The following FRS3 variants were observed in gnomAD, a reference collection of about 807,000 sequenced individuals.
FRS3 encodes FGFR substrate 3.
FRS3 carries 17 observed loss-of-function variants against 41.9 expected under a neutral mutation model. The ratio of observed to expected loss-of-function variants is 0.41; its 90% CI spans 0.28 to 0.61. The LOEUF (loss-of-function observed/expected upper bound fraction) is 0.61. FRS3 is among the 20% of genes least tolerant of loss of function. The pLI is 0.36. For synonymous variants in FRS3, 287 were observed against 274.5 expected, an observed-to-expected ratio of 1.05 and a Z score of -0.45; for missense variants, 619 against 672.1, an observed-to-expected ratio of 0.92 and a Z score of 0.87.
At chr6:41,776,556 C>A in intron 3 of FRS3, 1 of 179,128 alleles carries the variant, frequency 5.6e-6, no homozygotes, top group East Asian at 1.5e-4. Flanking sequence ...GCCACCGTGC[C>A]TGGCCACTAA....
chr6:41,771,729 A>G lies in FRS3; in HGVS notation c.564+87T>C. On this transcript the variant is annotated intron_variant, in intron 6 of 6. Coordinates refer to ENST00000373018, the MANE Select transcript of FRS3 (RefSeq NM_006653.5). ...TTACAATGTTCTTCCCCTTCCCGTG[A>G]TCCTTACTGGGAGGAGGTGGCCTTA... 2.1e-6 allele frequency: 3 copies of G among 1,405,866 alleles called. No individual in the cohort carries two copies. The Middle Eastern group carries it at 6.8e-4, about 319-fold the overall frequency. 87.1% of individuals were successfully genotyped at this position (1,405,866 alleles called of 1,614,324 possible). A position where few individuals can be genotyped will look rare whatever the true frequency, so the allele number is the denominator to read the frequency against.
At chr6:41,776,801 A>C in intron 3 of FRS3, 121 bp downstream of exon 3, 1 of 845,278 alleles carries the variant, frequency 1.2e-6, no homozygotes, top group Non-Finnish European at 2.0e-6. Flanking sequence ...AGTCTCCATA[A>C]GCCCACAACC....
intron 3 of FRS3, among the ~76,000 whole-genome samples, chr6:41,775,873 C>T (rs1314154003): frequency 1.3e-5 from 2 of 152,130 alleles, no homozygotes; most frequent in Non-Finnish European, 2.9e-5. Context: ...CTTCCAAGGT[C>T]GGTTTGTTAG....
chr6:41,771,523 T>A lies in FRS3; in HGVS notation c.575A>T (p.Tyr192Phe). The A allele has an allele frequency of 6.5e-7, 1 of 1,538,738 alleles. No individual in the cohort carries two copies. Among genetic ancestry groups the A allele is most frequent in the Non-Finnish European group, 8.7e-7 (1 of 1,145,926 alleles). ...ATCTTCACTGGCCGGTGTGTTGACA[T>A]AGGTGTGGGACTGGGGAAAGAGTCC... ...LIAPDEQSHT[Y>F]VNTPASEDDH... Residue 192 changes from tyrosine to phenylalanine, a missense_variant, in exon 7 of 7, where the codon TAT (tyrosine) becomes TTT (phenylalanine). Physicochemically the swap from Tyr to Phe is conservative, Grantham distance 22. This residue lies in a region of FRS3 where 487 missense variants were observed against 478.3 expected (regional missense o/e 1.02). Transcript: ENST00000373018.
Position 41,770,724 on chromosome 6 carries a change from A to T in FRS3, c.1374T>A (p.Ile458=), listed in dbSNP as rs766403918. 6.2e-7 allele frequency: 1 copy of T among 1,613,960 alleles called. No homozygotes were observed. The highest frequency in any genetic ancestry group is 8.5e-7 in the Non-Finnish European group (1 of 1,180,006). The change falls in exon 7 of 7, where the codon ATT becomes ATA. Residue 458 remains isoleucine, a synonymous_variant. Coordinates refer to ENST00000373018, the MANE Select transcript of FRS3 (RefSeq NM_006653.5). ...PARSSDSYAV[I]DLKKTVAMSN... ...ACATGGCCACGGTCTTTTTGAGGTC[A>T]ATCACGGCGTAGGAGTCTGAGCTTC...
At position 41,771,295 on chromosome 6, in the gene FRS3, T is replaced by C; in HGVS notation, c.803A>G (p.His268Arg). The C allele has an allele frequency of 1.2e-6, 2 of 1,613,094 alleles. No homozygotes were observed. The highest frequency in any genetic ancestry group is 1.3e-5 in the African/African-American group (1 of 74,936). ...GLCPSLHDPP[H>R]HNNNNEAPSE... is the part of the protein sequence containing the mutation. Reference sequence around the variant, plus strand: ...AGGGGCCTCATTGTTATTATTGTGGTGTGGGGGGTCATGCAGGCTGGGACA... The same window carrying C: ...AGGGGCCTCATTGTTATTATTGTGGCGTGGGGGGTCATGCAGGCTGGGACA... The change falls in exon 7 of 7, where the codon CAC (histidine) becomes CGC (arginine). Residue 268 changes from histidine (H) to arginine (R), a missense_variant. By Grantham distance (29) the His-to-Arg change is conservative. Around this residue, in one of 3 missense-constraint regions of FRS3, gnomAD observed 487 missense variants for 478.3 expected, o/e 1.02. Coordinates refer to ENST00000373018, the MANE Select transcript of FRS3 (RefSeq NM_006653.5).
rs776868521 is a variant in FRS3, at chr6:41,770,780, G to A, written c.1318C>T (p.Gln440Ter). Reference protein sequence around the residue: ...PKGPQNPSSPQAPMPTTHPAR... With the variant: ...PKGPQNPSSP ...GGGTGGGTGGTGGGCATGGGGGCTT[G>A]GGGGCTCGAGGGGTTCTGGGGCCCC... The change falls in exon 7 of 7, where the codon CAA (glutamine) becomes TAA (stop). Residue 440 changes from glutamine to a stop codon, truncating the protein, a stop_gained. Coordinates refer to ENST00000373018, the MANE Select transcript of FRS3 (RefSeq NM_006653.5). LOFTEE classifies it high-confidence loss of function. 1 of 1,612,292 alleles carries A rather than the reference G, an allele frequency of 6.2e-7. No homozygotes were observed. Among genetic ancestry groups the A allele is most frequent in the Non-Finnish European group, 8.5e-7 (1 of 1,179,442 alleles).
At chr6:41,773,589 G>A (rs1174860883) in intron 4 of FRS3, among the ~76,000 whole-genome samples, 1 of 152,136 alleles carries the variant, frequency 6.6e-6, no homozygotes, top group East Asian at 2.0e-4. Flanking sequence ...CCAAAGTGGA[G>A]GCCGGGCATG....
chr6:41,779,783 G>A (rs1457043696), intron 1 of FRS3, 33 bp downstream of exon 1: 1 of 144,056 alleles, frequency 6.9e-6, no homozygotes, highest in East Asian at 2.1e-4. Context: ...CGGTGAAGCC[G>A]CCTCGTCCCC....
Position 41,771,490 on chromosome 6 carries a change from C to T in FRS3, c.608G>A (p.Arg203His), listed in dbSNP as rs746455483. Residue 203 changes from arginine (R) to histidine (H), a missense_variant, in exon 7 of 7, where the codon CGC (arginine) becomes CAC (histidine). Coordinates refer to ENST00000373018, the MANE Select transcript of FRS3 (RefSeq NM_006653.5). ...VNTPASEDDHRRGRHCLQPLP... is the reference protein window; with the variant it reads ...VNTPASEDDHHRGRHCLQPLP... ...GGGCTGCAGGCAGTGGCGGCCCCTG[C>T]GGTGGTCATCTTCACTGGCCGGTGT... 16 of 1,571,184 alleles carry T rather than the reference C, an allele frequency of 1.0e-5. No individual in the cohort carries two copies. The highest frequency in any genetic ancestry group is 2.7e-5 in the African/African-American group (2 of 73,808).
In FRS3 at chr6:41,771,296, G is replaced by A; in HGVS notation, c.802C>T (p.His268Tyr). The A allele has an allele frequency of 1.2e-6, 2 of 1,613,498 alleles. No individual in the cohort carries two copies. Among genetic ancestry groups the A allele is most frequent in the Admixed American group, 1.7e-5 (1 of 59,956 alleles). ...GGGGCCTCATTGTTATTATTGTGGT[G>A]TGGGGGGTCATGCAGGCTGGGACAG... is the stretch of plus-strand genomic sequence containing the variant. ...GLCPSLHDPPHHNNNNEAPSE... is the reference protein window; with the variant it reads ...GLCPSLHDPPYHNNNNEAPSE... Residue 268 changes from histidine (H) to tyrosine (Y), a missense_variant, in exon 7 of 7, where the codon CAC becomes TAC. Physicochemically the swap from His to Tyr is moderately conservative, Grantham distance 83 (BLOSUM62 2). Transcript: ENST00000373018.
chr6:41,779,768 G>T (rs1292384998), intron 1 of FRS3, 48 bp downstream of exon 1: 1 of 116,498 alleles, frequency 8.6e-6, no homozygotes, highest in Non-Finnish European at 1.8e-5. Flanking sequence ...GGCGCGGCGC[G>T]GCCTCGGTGA....
Position 41,775,328 on chromosome 6 carries a change from C to T in FRS3, c.253+91G>A. On this transcript the variant is annotated intron_variant, in intron 4 of 6. Coordinates refer to ENST00000373018, the MANE Select transcript of FRS3 (RefSeq NM_006653.5). ...TACTGCCCACAGGTGATGGGGATAA[C>T]ACTAACCTCTTGAGGGCTAACCTAT... 4.0e-6 allele frequency: 4 copies of T among 1,002,348 alleles called. No individual in the cohort carries two copies. The South Asian group carries it at 5.1e-5, about 13-fold the overall frequency. 62.1% of individuals were successfully genotyped at this position (1,002,348 alleles called of 1,614,324 possible). A position where few individuals can be genotyped will look rare whatever the true frequency, so the allele number is the denominator to read the frequency against.
chr6:41,779,545 A>G (rs956587062), intron 1 of FRS3, among the ~76,000 whole-genome samples: 4 of 151,968 alleles, frequency 2.6e-5, no homozygotes, highest in Non-Finnish European at 5.9e-5. Context: ...TGATGTGTCC[A>G]GGGCGGAGAG....
Position 41,775,424 on chromosome 6 carries a change from C to G in FRS3, c.248G>C (p.Gly83Ala). 6.2e-7 allele frequency: 1 copy of G among 1,610,522 alleles called. No individual in the cohort carries two copies. The highest frequency in any genetic ancestry group is 8.5e-7 in the Non-Finnish European group (1 of 1,179,220). Residue 83 changes from glycine to alanine, a missense_variant, in exon 4 of 7, where the codon GGC becomes GCC. Physicochemically the swap from Gly to Ala is moderately conservative, Grantham distance 60. Coordinates refer to ENST00000373018, the MANE Select transcript of FRS3 (RefSeq NM_006653.5). Reference protein sequence around the residue: ...SFESGRRCQTGQGIFAFKCSR... With the variant: ...SFESGRRCQTAQGIFAFKCSR... Reference sequence around the variant, plus strand: ...GAGCAGGGCCTGGTACTCACCCTGGCCTGTCTGACATCGGCGGCCACTCTC... The same window carrying G: ...GAGCAGGGCCTGGTACTCACCCTGGGCTGTCTGACATCGGCGGCCACTCTC...
At chr6:41,773,791 G>A (rs879697446) in intron 4 of FRS3, among the ~76,000 whole-genome samples, 1 of 151,164 alleles carries the variant, frequency 6.6e-6, no homozygotes, top group Non-Finnish European at 1.5e-5. Flanking sequence ...AGAATTGCTT[G>A]AACCTCGGAG....
chr6:41,775,874 G>C (rs898382584), intron 3 of FRS3, among the ~76,000 whole-genome samples: 1 of 152,184 alleles, frequency 6.6e-6, no homozygotes, highest in Non-Finnish European at 1.5e-5. Context: ...TTCCAAGGTC[G>C]GTTTGTTAGA....
rs763744146 is a variant in FRS3, at chr6:41,772,789, TCTC to T, written c.415+6_415+8del. The T allele has an allele frequency of 1.7e-5, 27 of 1,589,562 alleles. No individual in the cohort carries two copies. Among genetic ancestry groups the T allele is most frequent in the East Asian group, 4.5e-5 (2 of 44,372 alleles). On this transcript the variant is annotated splice_donor_region_variant and intron_variant, in intron 5 of 6. Coordinates refer to ENST00000373018, the MANE Select transcript of FRS3 (RefSeq NM_006653.5). The stretch of plus-strand genomic sequence containing the variant: ...GTGTGTGTGTGTGTGTACACTGGGG[TCTC>T]CTCACCATTGGGTGGCTGGGGGGCT...
chr6:41,776,827 A>C lies in FRS3; in HGVS notation c.66+95T>G. 3.0e-6 allele frequency: 3 copies of C among 1,009,014 alleles called. No individual in the cohort carries two copies. The South Asian group carries it at 3.8e-5, about 13-fold the overall frequency. The allele number at this position is 1,009,014 out of a possible 1,614,324, so 62.5% of individuals were successfully genotyped here. A position where few individuals can be genotyped will look rare whatever the true frequency, so the allele number is the denominator to read the frequency against. On this transcript the variant is annotated intron_variant, in intron 3 of 6. Transcript: ENST00000373018. ...GCCCACAACCTCAGCCTGGCATTTG[A>C]TTTGCTGTTAGAGAAGCTGAGGCAA...
Sources: gnomAD v4.1 joint callset for allele counts (sites outside exome capture counted in the v4.1 genomes callset) on GRCh38, gnomAD v4.1.1 for gene constraint, gnomAD v4.1.1 regional missense constraint, MANE v1.5 for transcripts, NCBI Gene and HGNC (gene_info 2026-07-23, HGNC 2026-07-21) for gene names.